The following ZCCHC7 variants were observed in gnomAD, a reference collection of about 807,000 sequenced individuals.
The protein encoded by ZCCHC7 is zinc finger CCHC-type containing 7.
A neutral mutation model predicts 52.0 loss-of-function variants in ZCCHC7; 35 were observed. The ratio of observed to expected loss-of-function variants is 0.67; its 90% confidence interval spans 0.51 to 0.89. The LOEUF is 0.89. ZCCHC7 is among the 40% of genes least tolerant of loss of function. The pLI, the probability that ZCCHC7 is intolerant of heterozygous loss-of-function variation, is 0.00. For synonymous variants in ZCCHC7, 217 were observed against 221.5 expected, an observed-to-expected ratio of 0.98 and a Z score of 0.18; for missense variants, 574 against 649.1, an observed-to-expected ratio of 0.88 and a Z score of 1.26.
At chr9:37,187,326 A>G (rs1484867776) in intron 2 of ZCCHC7, among the ~76,000 whole-genome samples, 1 of 152,242 alleles carries the variant, frequency 6.6e-6, no homozygotes, top group African/African-American at 2.4e-5. Flanking sequence ...ATCATCAGAC[A>G]TTAGATTATC....
intron 2 of ZCCHC7, among the ~76,000 whole-genome samples, chr9:37,230,988 G>T (rs768537996): frequency 4.6e-5 from 7 of 152,116 alleles, no homozygotes; most frequent in Admixed American, 6.5e-5. Context: ...GGGCTGGATT[G>T]CAGTGGTGTG....
At chr9:37,198,775 G>A (rs1036997298) in intron 2 of ZCCHC7, among the ~76,000 whole-genome samples, 1 of 152,138 alleles carries the variant, frequency 6.6e-6, no homozygotes, top group African/African-American at 2.4e-5. Context: ...AGATAAATTT[G>A]AAAGATTAGT....
intron 6 of ZCCHC7, among the ~76,000 whole-genome samples, chr9:37,337,467 CT>C (rs1830734199): frequency 6.8e-6 from 1 of 146,664 alleles, no homozygotes; most frequent in Admixed American, 7.1e-5. Flanking sequence ...ACGCATCCCC[CT>C]TTCTCACTGC....
chr9:37,210,504 G>T (rs1167311773), intron 2 of ZCCHC7, among the ~76,000 whole-genome samples: 1 of 152,046 alleles, frequency 6.6e-6, no homozygotes, highest in African/African-American at 2.4e-5. Flanking sequence ...GATTTTTCAG[G>T]AGTAGTGTAT....
At chr9:37,320,987 CTTT>C (rs11303114) in intron 5 of ZCCHC7, among the ~76,000 whole-genome samples, 3 of 116,204 alleles carry the variant, frequency 2.6e-5, no homozygotes, top group Non-Finnish European at 3.6e-5. Context: ...TTTCTTTTTT[CTTT>C]TTTTTTTTTT....
chr9:37,154,020 G>A (rs901916279), intron 2 of ZCCHC7, among the ~76,000 whole-genome samples: 1 of 151,958 alleles, frequency 6.6e-6, no homozygotes, highest in African/African-American at 2.4e-5. Flanking sequence ...CTCCCAAGTA[G>A]ATGAGACCAC....
intron 2 of ZCCHC7, among the ~76,000 whole-genome samples, chr9:37,161,789 C>T (rs1467973522): frequency 3.9e-5 from 6 of 152,242 alleles, no homozygotes; most frequent in South Asian, 2.1e-4. Flanking sequence ...GAAGATCACG[C>T]GTAAATGCCC....
At chr9:37,149,939 GA>G (rs2132824833) in intron 2 of ZCCHC7, among the ~76,000 whole-genome samples, 1 of 152,326 alleles carries the variant, frequency 6.6e-6, no homozygotes, top group Admixed American at 6.5e-5. Context: ...AAATCCCAAA[GA>G]TACATCACTG....
intron 5 of ZCCHC7, chr9:37,322,437 A>G (rs1302404673): frequency 6.6e-6 from 1 of 152,154 alleles, no homozygotes; most frequent in Non-Finnish European, 1.5e-5. Context: ...GTTTAAGCAT[A>G]GAAAAAAGGA....
At chr9:37,283,501 G>A (rs1828068273) in intron 2 of ZCCHC7, among the ~76,000 whole-genome samples, 1 of 152,110 alleles carries the variant, frequency 6.6e-6, no homozygotes, top group South Asian at 2.1e-4. Context: ...TTTCTATTTT[G>A]AAAAGAATAA....
At chr9:37,147,181 A>T (rs1843470491) in intron 2 of ZCCHC7, among the ~76,000 whole-genome samples, 1 of 151,966 alleles carries the variant, frequency 6.6e-6, no homozygotes, top group Non-Finnish European at 1.5e-5. Flanking sequence ...GTTAGCCCCG[A>T]TAATTTCTAC....
At chr9:37,206,716 G>A (rs1215282250) in intron 2 of ZCCHC7, among the ~76,000 whole-genome samples, 1 of 152,086 alleles carries the variant, frequency 6.6e-6, no homozygotes, top group East Asian at 1.9e-4. Context: ...TTTGACCTGT[G>A]TACATTCTGT....
At chr9:37,280,115 T>C (rs185732675) in intron 2 of ZCCHC7, among the ~76,000 whole-genome samples, 6 of 151,594 alleles carry the variant, frequency 4.0e-5, no homozygotes, top group Non-Finnish European at 7.4e-5. Flanking sequence ...CACTCTAGCC[T>C]GGGCAACAGT....
At chr9:37,323,320 A>C (rs1481709665) in intron 5 of ZCCHC7, among the ~76,000 whole-genome samples, 1 of 152,222 alleles carries the variant, frequency 6.6e-6, no homozygotes, top group Admixed American at 6.5e-5. Context: ...TTGTGCCTTC[A>C]TAACTGTACT....
At chr9:37,122,631 GTTAAC>G (rs1842362488) in intron 1 of ZCCHC7, among the ~76,000 whole-genome samples, 1 of 152,218 alleles carries the variant, frequency 6.6e-6, no homozygotes, top group Non-Finnish European at 1.5e-5. Flanking sequence ...TTAATTTGAA[GTTAAC>G]TTATTTGAAA....
At position 37,321,115 on chromosome 9, in the gene ZCCHC7, A is replaced by G. The variant is rs556989837; in HGVS notation, c.952-6684A>G. ...GCGATTCTCCTGCCTCAGCCTCCCA[A>G]GTAGCTGGGACTACAGGCGCGTGCC... is the stretch of plus-strand genomic sequence containing the variant. On this transcript the variant is annotated intron_variant, in intron 5 of 8. Transcript: ENST00000336755. Among the ~76,000 whole-genome samples the G allele has an allele frequency of 2.6e-5, 4 of 151,066 alleles. No individual in the cohort carries two copies. The East Asian group carries it at 7.8e-4, about 29-fold the overall frequency.
At chr9:37,347,876 A>G (rs1345244739) in intron 6 of ZCCHC7, among the ~76,000 whole-genome samples, 2 of 152,216 alleles carry the variant, frequency 1.3e-5, no homozygotes, top group Admixed American at 1.3e-4. Flanking sequence ...TTAACATTGT[A>G]GATCAGTTCA....
intron 2 of ZCCHC7, among the ~76,000 whole-genome samples, chr9:37,272,491 T>TAAAAAAAAAAA (rs551495038): frequency 2.0e-5 from 2 of 97,822 alleles, no homozygotes; most frequent in African/African-American, 3.8e-5. Flanking sequence ...AGCTGTGTGG[T>TAAAAAAAAAAA]AAAAAAAAAA....
At chr9:37,343,531 A>T (rs1415798947) in intron 6 of ZCCHC7, among the ~76,000 whole-genome samples, 1 of 152,226 alleles carries the variant, frequency 6.6e-6, no homozygotes, top group Non-Finnish European at 1.5e-5. Flanking sequence ...TGAATGAAAA[A>T]TTCCTACTAA....
Sources: gnomAD v4.1 joint callset for allele counts (sites outside exome capture counted in the v4.1 genomes callset) on GRCh38, gnomAD v4.1.1 for gene constraint, MANE v1.5 for transcripts, NCBI Gene and HGNC (gene_info 2026-07-23, HGNC 2026-07-21) for gene names.